Variants in NRP1 observed in about 807,000 individuals in gnomAD.
The protein encoded by NRP1 is neuropilin 1, also known as neuropilin-1.
Under a neutral mutation model 106.7 loss-of-function variants are expected in NRP1, and 35 were observed. The observed-to-expected ratio is 0.33, with a 90% CI of 0.25 to 0.43. The LOEUF is 0.43. Among genes scored for constraint, NRP1 ranks in the 20% least tolerant of loss-of-function variants. NRP1 has a pLI of 1.00. For synonymous variants in NRP1, 437 were observed against 417.9 expected, an observed-to-expected ratio of 1.05 and a Z score of -0.56; for missense variants, 1,024 against 1,170.4, an observed-to-expected ratio of 0.87 and a Z score of 1.83.
In NRP1 at chr10:33,254,096, G is replaced by T; in HGVS notation, c.913C>A (p.Arg305Ser). The change falls in exon 6 of 17, where the codon CGC becomes AGC. Residue 305 changes from arginine to serine, a missense_variant. This residue lies in a region of NRP1 where 562 missense variants were observed against 620.3 expected (regional missense o/e 0.91). Transcript: ENST00000374867. ...SQYSTNWSAE[R>S]SRLNYPENGW... ...TTCTCAGGGTAGTTCAGGCGGGAGC[G>T]CTCTGCAGACCAGTTGGTGCTATAC... 6.2e-7 allele frequency: 1 copy of T among 1,613,910 alleles called. No homozygotes were observed. The highest frequency in any genetic ancestry group is 8.5e-7 in the Non-Finnish European group (1 of 1,179,976).
Position 33,207,619 on chromosome 10 carries a change from T to C in NRP1, c.1712A>G (p.His571Arg), listed in dbSNP as rs771747547. 3 of 1,614,180 alleles carry C rather than the reference T, an allele frequency of 1.9e-6. No homozygotes were observed. The highest frequency in any genetic ancestry group is 1.3e-5 in the African/African-American group (1 of 75,060). The change falls in exon 10 of 17, where the codon CAT (histidine) becomes CGT (arginine). Residue 571 changes from histidine to arginine, a missense_variant. Around this residue, in one of 5 missense-constraint regions of NRP1, gnomAD observed 562 missense variants for 620.3 expected, o/e 0.91. Transcript: ENST00000374867. Reference sequence around the variant, plus strand: ...CTCCATTCTGAGCCCCAGTCCGCCATGAGTGGCTCTCTCGGGGTAGATCCT... The same window carrying C: ...CTCCATTCTGAGCCCCAGTCCGCCACGAGTGGCTCTCTCGGGGTAGATCCT... ...FIRIYPERAT[H>R]GGLGLRMELL...
At chr10:33,297,200 C>T (rs1845449241) in intron 2 of NRP1, among the ~76,000 whole-genome samples, 1 of 152,074 alleles carries the variant, frequency 6.6e-6, no homozygotes, top group Non-Finnish European at 1.5e-5. Flanking sequence ...TGCCTTATTG[C>T]AGGAAGCAGC....
chr10:33,285,679 A>ATT (rs1015789396), intron 2 of NRP1, among the ~76,000 whole-genome samples: 14 of 152,092 alleles, frequency 9.2e-5, no homozygotes, highest in African/African-American at 3.1e-4. Context: ...AAAATACAAA[A>ATT]TTACCAGCCA....
chr10:33,270,986 T>C, intron 2 of NRP1, 130 bp from the exon 3 acceptor site: 1 of 659,352 alleles, frequency 1.5e-6, no homozygotes, highest in Non-Finnish European at 2.4e-6. Context: ...CATTCATCAC[T>C]GCATTAAATG....
intron 6 of NRP1, among the ~76,000 whole-genome samples, chr10:33,245,613 C>T (rs544893248): frequency 6.6e-6 from 1 of 152,320 alleles, no homozygotes; most frequent in East Asian, 1.9e-4. Context: ...GACTCAAATC[C>T]ATTTTCATCT....
At chr10:33,302,277 T>C (rs914403728) in intron 2 of NRP1, among the ~76,000 whole-genome samples, 3 of 152,246 alleles carry the variant, frequency 2.0e-5, no homozygotes, top group African/African-American at 7.2e-5. Flanking sequence ...TTCCTTCTTA[T>C]GTTGTTACTT....
chr10:33,199,350 C>G (rs2092049006), intron 11 of NRP1, among the ~76,000 whole-genome samples: 1 of 121,030 alleles, frequency 8.3e-6, no homozygotes, highest in African/African-American at 3.0e-5. Context: ...GTGTGCGCCA[C>G]CATGCCTGGC....
intron 13 of NRP1, 47 bp downstream of exon 13, chr10:33,192,234 C>T: frequency 6.3e-7 from 1 of 1,583,992 alleles, no homozygotes; most frequent in Non-Finnish European, 8.6e-7. Flanking sequence ...GCCTCGGAAT[C>T]AAAGAGAATC....
chr10:33,200,076 A>T (rs893013019), intron 11 of NRP1, among the ~76,000 whole-genome samples: 3 of 152,202 alleles, frequency 2.0e-5, no homozygotes, highest in African/African-American at 7.2e-5. Context: ...TATATGTATT[A>T]TGGGTTAAGA....
intron 12 of NRP1, among the ~76,000 whole-genome samples, chr10:33,197,267 C>T (rs1237196968): frequency 2.0e-5 from 3 of 152,206 alleles, no homozygotes; most frequent in South Asian, 4.1e-4. Flanking sequence ...AACTGACAAA[C>T]TTTGCCTGCC....
In NRP1 at chr10:33,182,696, A is replaced by G; in HGVS notation, c.2482+2T>C. The G allele has an allele frequency of 6.2e-7, 1 of 1,610,588 alleles. No homozygotes were observed. The highest frequency in any genetic ancestry group is 1.3e-5 in the African/African-American group (1 of 74,994). ...AAAAATTGGTCAGCAAGACAAATTT[A>G]CCTGTTTCATCAATTTTAATTTCTG... On this transcript the variant is annotated splice_donor_variant, in intron 16 of 16. Transcript: ENST00000374867. LOFTEE classifies it high-confidence loss of function.
chr10:33,203,615 C>T (rs16934171), intron 10 of NRP1, among the ~76,000 whole-genome samples: 38,661 of 151,610 alleles, frequency 0.26, 5,596 homozygotes, highest in East Asian at 0.6. Flanking sequence ...TCAGATGTCC[C>T]GGGGTCATTT....
chr10:33,191,285 C>T (rs1836394682), intron 13 of NRP1, among the ~76,000 whole-genome samples: 2 of 152,158 alleles, frequency 1.3e-5, no homozygotes, highest in Non-Finnish European at 2.9e-5. Flanking sequence ...CATTCCTCCC[C>T]CACCAATTAA....
intron 10 of NRP1, chr10:33,205,738 C>T (rs966109197): frequency 6.4e-6 from 1 of 156,646 alleles, no homozygotes; most frequent in African/African-American, 2.4e-5. Flanking sequence ...GCACTGATCT[C>T]AGGTTTTACA....
chr10:33,328,027 G>T (rs1848015034), intron 2 of NRP1, among the ~76,000 whole-genome samples: 1 of 151,998 alleles, frequency 6.6e-6, no homozygotes, highest in Non-Finnish European at 1.5e-5. Flanking sequence ...CAAAGCCTCA[G>T]TTGGGACAAT....
chr10:33,221,640 T>C, intron 8 of NRP1, 79 bp downstream of exon 8: 4 of 1,405,580 alleles, frequency 2.8e-6, no homozygotes, highest in African/African-American at 1.4e-5. Context: ...TTATTTACCC[T>C]GTATTTAAAG....
At chr10:33,217,334 G>A (rs533839621) in intron 8 of NRP1, among the ~76,000 whole-genome samples, 1 of 151,482 alleles carries the variant, frequency 6.6e-6, no homozygotes, top group East Asian at 1.9e-4. Flanking sequence ...ACATATCCAT[G>A]GTGCAAAGTG....
At chr10:33,265,500 C>A (rs1842861066) in intron 3 of NRP1, among the ~76,000 whole-genome samples, 1 of 152,340 alleles carries the variant, frequency 6.6e-6, no homozygotes, top group Admixed American at 6.5e-5. Context: ...TTAAAGTTAA[C>A]TAACTAGCAG....
chr10:33,208,932 A>T (rs1041813032), intron 9 of NRP1, among the ~76,000 whole-genome samples: 4 of 117,942 alleles, frequency 3.4e-5, no homozygotes, highest in Non-Finnish European at 4.9e-5. Flanking sequence ...TTTGAGACAG[A>T]GCCTTGCTCT....
Sources: allele counts gnomAD v4.1 joint callset (sites outside exome capture counted in the v4.1 genomes callset), GRCh38; gene constraint gnomAD v4.1.1; regional missense constraint gnomAD v4.1.1; transcripts MANE v1.5; gene names NCBI Gene and HGNC (gene_info 2026-07-23, HGNC 2026-07-21).